The following PHC2 variants were observed in gnomAD, a reference collection of about 807,000 sequenced individuals.
PHC2 encodes the protein polyhomeotic-like protein 2.
A neutral mutation model predicts 87.4 loss-of-function variants in PHC2; 29 were observed. The ratio of observed to expected loss-of-function variants is 0.33; its 90% CI spans 0.25 to 0.45. The LOEUF (loss-of-function observed/expected upper bound fraction) is 0.45, where lower values mean the gene tolerates loss of function less well. PHC2 is among the 20% of genes least tolerant of loss of function. PHC2 has a pLI of 1.00. For missense variants in PHC2, 857 were observed against 1,136.7 expected (o/e 0.75, Z 3.54); for synonymous variants, 438 against 461.7 (o/e 0.95, Z 0.66).
At chr1:33,376,152 A>C (rs1196199001) in intron 1 of PHC2, among the ~76,000 whole-genome samples, 1 of 152,196 alleles carries the variant, frequency 6.6e-6, no homozygotes, top group African/African-American at 2.4e-5. Flanking sequence ...CTCGTGCCTC[A>C]GCCTCCTGAG....
chr1:33,387,856 C>T (rs541709305), intron 1 of PHC2, among the ~76,000 whole-genome samples: 6 of 152,258 alleles, frequency 3.9e-5, no homozygotes, highest in Non-Finnish European at 7.3e-5. Flanking sequence ...AGTCATCTCC[C>T]GCAGCAGCGT....
intron 7 of PHC2, among the ~76,000 whole-genome samples, chr1:33,356,271 ATATATG>A (rs1285530328): frequency 4.6e-4 from 40 of 87,078 alleles, no homozygotes; most frequent in African/African-American, 6.3e-4. Flanking sequence ...ATATATATAT[ATATATG>A]TATATATATA....
rs1482880427 is a variant in PHC2 at position 33,324,669 on chromosome 1, C to T, written c.*196G>A. On this transcript the variant is annotated 3_prime_UTR_variant, in exon 15 of 15. Transcript: ENST00000683057. ...AAGCCCCATCTTCTGTGCCACCTAC[C>T]TCTCTGCCCCTCCCACAGAAATGAA... is the stretch of plus-strand genomic sequence containing the variant. 18 of 510,346 alleles carry T rather than the reference C, an allele frequency of 3.5e-5. No homozygotes were observed. Among genetic ancestry groups the T allele is most frequent in the South Asian group, 6.9e-5 (2 of 29,006 alleles). 31.6% of individuals were successfully genotyped at this position (510,346 alleles called of 1,614,324 possible). A position where few individuals can be genotyped will look rare whatever the true frequency, so the allele number is the denominator to read the frequency against.
chr1:33,352,762 C>T (rs1239170372), intron 9 of PHC2, among the ~76,000 whole-genome samples: 2 of 152,144 alleles, frequency 1.3e-5, no homozygotes, highest in Non-Finnish European at 2.9e-5. Context: ...GGAGAGTTCA[C>T]GGGGGCCATT....
chr1:33,401,320 C>T (rs528529383), intron 1 of PHC2, among the ~76,000 whole-genome samples: 6 of 150,684 alleles, frequency 4.0e-5, no homozygotes, highest in East Asian at 1.9e-4. Context: ...AGCCAGACTC[C>T]GTCTCAAAAA....
Position 33,334,312 on chromosome 1 carries a change from A to G in PHC2, c.1559-20T>C. ...CTGTCTCTGCACGAGAGAGAGTAGGAAAACAAAGCAGGGGAGATCAGAACC... is the reference window on the plus strand; with the variant it reads ...CTGTCTCTGCACGAGAGAGAGTAGGGAAACAAAGCAGGGGAGATCAGAACC... On this transcript the variant is annotated intron_variant, in intron 9 of 14. Transcript: ENST00000683057. This position sits in a 1 kb window ranked among gnomAD's most constrained non-coding sequence, Gnocchi z 5.5. 6.2e-7 allele frequency: 1 copy of G among 1,608,000 alleles called. No individual in the cohort carries two copies.
chr1:33,397,222 T>C (rs966933496), intron 1 of PHC2, among the ~76,000 whole-genome samples: 1 of 152,064 alleles, frequency 6.6e-6, no homozygotes, highest in South Asian at 2.1e-4. Context: ...TCTTAGGAAA[T>C]TGAATGCCAG....
chr1:33,393,038 C>A (rs1649136268), intron 1 of PHC2, among the ~76,000 whole-genome samples: 2 of 152,122 alleles, frequency 1.3e-5, no homozygotes, highest in African/African-American at 4.8e-5. Context: ...TGATCCCTTC[C>A]CTTGTCCCCT....
Position 33,364,232 on chromosome 1 carries a change from C to T in PHC2, c.976+2884G>A, listed in dbSNP as rs745564673. 1.3e-5 allele frequency among the ~76,000 whole-genome samples: 2 copies of T among 152,066 alleles called. No homozygotes were observed. Among genetic ancestry groups the T allele is most frequent in the Non-Finnish European group, 2.9e-5 (2 of 68,012 alleles). ...AGAACACATTCCTCACTGCCATACC[C>T]CCTCCTACTGGCCCACTGCAAGTCT... is the stretch of plus-strand genomic sequence containing the variant. On this transcript the variant is annotated intron_variant, in intron 7 of 14. Coordinates refer to ENST00000683057, the MANE Select transcript of PHC2 (RefSeq NM_001385109.1). This position sits in a 1 kb window ranked among gnomAD's most constrained non-coding sequence, Gnocchi z 4.1.
chr1:33,345,963 C>T, intron 9 of PHC2: 1 of 984,488 alleles, frequency 1.0e-6, no homozygotes, highest in Middle Eastern at 5.2e-4. Flanking sequence ...CTTAAATAGG[C>T]AACTTTTTTT....
At chr1:33,371,739 T>C (rs887239339) in intron 3 of PHC2, among the ~76,000 whole-genome samples, 4 of 152,212 alleles carry the variant, frequency 2.6e-5, no homozygotes, top group Admixed American at 6.5e-5. Context: ...ATGGCGCTTA[T>C]TGTAACTTAG....
In PHC2 at chr1:33,367,232, A is replaced by T. The variant is rs1225761147; in HGVS notation, c.860T>A (p.Val287Glu). 6.2e-7 allele frequency: 1 copy of T among 1,614,112 alleles called. No individual in the cohort carries two copies. The highest frequency in any genetic ancestry group is 1.7e-5 in the Admixed American group (1 of 60,022). The change falls in exon 7 of 15, where the codon GTG (valine) becomes GAG (glutamate). Residue 287 changes from valine to glutamate, a missense_variant. Physicochemically the swap from Val to Glu is moderately radical, Grantham distance 121 (BLOSUM62 -2). Transcript: ENST00000683057. ...AGAKPGIADS[V>E]MEPHKKGDGN... ...ATCTCCTTTCTTGTGTGGCTCCATC[A>T]CACTGTCAGCTATGCCAGGCTTGGC...
intron 1 of PHC2, among the ~76,000 whole-genome samples, 181 bp downstream of exon 1, chr1:33,430,795 C>T (rs903905107): frequency 4.3e-4 from 65 of 150,398 alleles, no homozygotes; most frequent in African/African-American, 1.5e-3. Flanking sequence ...CCGCCTGCCG[C>T]CCGCCTGTCC....
Position 33,370,732 on chromosome 1 carries a change from T to TC in PHC2, c.412-148dup. The TC allele has an allele frequency of 3.8e-6, 3 of 799,198 alleles. No homozygotes were observed. The South Asian group carries it at 5.3e-5, about 14-fold the overall frequency. The allele number at this position is 799,198 out of a possible 1,614,324, so 49.5% of individuals were successfully genotyped here. ...TCTGTGGTCCTTGGCTTTGGAGCAA[T>TC]CCCCCAGCCCTGTCCCATCTCTGAC... On this transcript the variant is annotated intron_variant, in intron 4 of 14. Transcript: ENST00000683057.
In PHC2 at chr1:33,419,963, C is replaced by A. The variant is rs1014083999; in HGVS notation, c.-55+11013G>T. ...GTATTTAGCGCCCACCCAGATATAA[C>A]CCCCCCATGTCAAGATCCTTAATTT... On this transcript the variant is annotated intron_variant, in intron 1 of 14. Coordinates refer to ENST00000683057, the MANE Select transcript of PHC2 (RefSeq NM_001385109.1). Among the ~76,000 whole-genome samples the A allele has an allele frequency of 3.9e-5, 6 of 151,984 alleles. No homozygotes were observed. The East Asian group carries it at 5.8e-4, about 15-fold the overall frequency.
rs1238050929 is a variant in PHC2 at position 33,324,670 on chromosome 1, T to A, written c.*195A>T. The A allele has an allele frequency of 1.9e-6, 1 of 520,278 alleles. No homozygotes were observed. Among genetic ancestry groups the A allele is most frequent in the Non-Finnish European group, 3.4e-6 (1 of 295,686 alleles). The allele number at this position is 520,278 out of a possible 1,614,324, so 32.2% of individuals were successfully genotyped here. On this transcript the variant is annotated 3_prime_UTR_variant, in exon 15 of 15. Coordinates refer to ENST00000683057, the MANE Select transcript of PHC2 (RefSeq NM_001385109.1). ...AGCCCCATCTTCTGTGCCACCTACC[T>A]CTCTGCCCCTCCCACAGAAATGAAA...
chr1:33,430,391 G>A (rs144750739), intron 1 of PHC2, among the ~76,000 whole-genome samples: 101 of 152,278 alleles, frequency 6.6e-4, no homozygotes, highest in African/African-American at 2.3e-3. Context: ...TCCCTCTGCT[G>A]GTGCCCCCCA....
chr1:33,344,125 T>C (rs1557824525), intron 9 of PHC2, among the ~76,000 whole-genome samples: 1 of 152,204 alleles, frequency 6.6e-6, no homozygotes, highest in Non-Finnish European at 1.5e-5. Context: ...ATGTAACTTG[T>C]AATGCCAGAT....
intron 1 of PHC2, among the ~76,000 whole-genome samples, chr1:33,389,140 C>T (rs1164823758): frequency 6.6e-6 from 1 of 151,470 alleles, no homozygotes; most frequent in Admixed American, 6.6e-5. Flanking sequence ...CCAGGACAGA[C>T]GTAAGCCACG....
Sources: gnomAD v4.1 joint callset for allele counts (sites outside exome capture counted in the v4.1 genomes callset) on GRCh38, gnomAD v4.1.1 for gene constraint, Gnocchi (gnomAD v3.1) non-coding constraint, MANE v1.5 for transcripts, NCBI Gene and HGNC (gene_info 2026-07-23, HGNC 2026-07-21) for gene names.